PTGR2: variants seen among roughly 807,000 people sequenced by gnomAD.
PTGR2 encodes the protein 15-oxoprostaglandin 13-reductase.
Under a neutral mutation model 43.4 loss-of-function variants are expected in PTGR2, and 32 were observed. The observed-to-expected ratio is 0.74, with a 90% CI of 0.56 to 0.99. PTGR2 has a LOEUF of 0.99. Among genes scored for constraint, PTGR2 ranks in the 50% least tolerant of loss-of-function variants. The pLI is 0.00. For missense variants in PTGR2, 373 were observed against 420.0 expected, an observed-to-expected ratio of 0.89 and a Z score of 0.98; for synonymous variants, 106 against 139.2, an observed-to-expected ratio of 0.76 and a Z score of 1.68.
At position 73,879,191 on chromosome 14, in the gene PTGR2, A is replaced by C; in HGVS notation, c.615A>C (p.Ala205=). Residue 205 remains alanine, a synonymous_variant, in exon 6 of 10, where the codon GCA becomes GCC. Transcript: ENST00000555661. ...LLTSELGFDA[A]INYKKDNVAE... is the part of the protein sequence containing the mutation. The stretch of plus-strand genomic sequence containing the variant: ...CCTCAGAACTGGGCTTTGATGCTGC[A>C]ATTAATTATAAAAAAGACAATGTGG... The C allele has an allele frequency of 6.2e-7, 1 of 1,614,098 alleles. No homozygotes were observed. Among genetic ancestry groups the C allele is most frequent in the Non-Finnish European group, 8.5e-7 (1 of 1,179,992 alleles).
chr14:73,883,820 CTA>C (rs2055062066), intron 9 of PTGR2, among the ~76,000 whole-genome samples: 1 of 151,828 alleles, frequency 6.6e-6, no homozygotes, highest in Admixed American at 6.6e-5. Flanking sequence ...TTTTTTGCCT[CTA>C]GTCTTCAGAT....
chr14:73,873,038 TG>T (rs2054774078), intron 3 of PTGR2, among the ~76,000 whole-genome samples: 1 of 151,808 alleles, frequency 6.6e-6, no homozygotes, highest in Non-Finnish European at 1.5e-5. Flanking sequence ...AGGCCAGGCG[TG>T]GTGGCTCATG....
intron 1 of PTGR2, among the ~76,000 whole-genome samples, chr14:73,854,440 A>G (rs1449160834): frequency 2.6e-5 from 4 of 152,124 alleles, no homozygotes; most frequent in Non-Finnish European, 2.9e-5. Context: ...TTTTGGTACT[A>G]TTGAGGGATA....
intron 9 of PTGR2, among the ~76,000 whole-genome samples, chr14:73,883,568 C>G (rs374710715): frequency 6.6e-6 from 1 of 151,926 alleles, no homozygotes; most frequent in East Asian, 1.9e-4. Flanking sequence ...TCACTGCAGC[C>G]TCTACCTCCC....
At chr14:73,852,416 T>C (rs1287456500) in intron 1 of PTGR2, among the ~76,000 whole-genome samples, 1 of 151,912 alleles carries the variant, frequency 6.6e-6, no homozygotes, top group Non-Finnish European at 1.5e-5. Context: ...TGCGCCCGGA[T>C]AATTTTTTGT....
chr14:73,856,225 G>C lies in PTGR2; in HGVS notation c.-47-2591G>C, dbSNP rs377460043. The stretch of plus-strand genomic sequence containing the variant: ...CATTCATGGTAAGTTACCCTATATA[G>C]GTATACCATTTTAAAATCTTTTTTG... On this transcript the variant is annotated intron_variant, in intron 1 of 9. Transcript: ENST00000555661. Among the ~76,000 whole-genome samples the C allele has an allele frequency of 7.9e-5, 12 of 151,924 alleles. No homozygotes were observed. In the East Asian group the frequency reaches 1.2e-3, roughly 15 times the overall value.
chr14:73,875,112 G>C (rs1301450620), intron 4 of PTGR2, among the ~76,000 whole-genome samples: 1 of 152,000 alleles, frequency 6.6e-6, no homozygotes, highest in African/African-American at 2.4e-5. Context: ...TGTCTGTCTT[G>C]GTCTCCCAAA....
chr14:73,851,967 C>T (rs1304680268), intron 1 of PTGR2, 24 bp downstream of exon 1: 1 of 152,242 alleles, frequency 6.6e-6, no homozygotes, highest in Non-Finnish European at 1.5e-5. Flanking sequence ...GAGCGGCTCC[C>T]GCGACTGTGG....
chr14:73,879,928 TA>T, intron 6 of PTGR2, 126 bp from the exon 7 acceptor site: 1 of 852,674 alleles, frequency 1.2e-6, no homozygotes, highest in Non-Finnish European at 1.8e-6. Flanking sequence ...CTCTAACAGG[TA>T]AATTAAAAAA....
intron 3 of PTGR2, among the ~76,000 whole-genome samples, chr14:73,867,378 G>A (rs957714483): frequency 6.6e-6 from 1 of 152,054 alleles, no homozygotes; most frequent in Non-Finnish European, 1.5e-5. Flanking sequence ...TCATAGATAT[G>A]TATGTATCCT....
rs562090199 is a variant in PTGR2, at chr14:73,875,339, G to GT, written c.348+1128dup. ...AGCATTAGTAATGAGAACTGTTGGA[G>GT]TTTGAGTTGATTTTTTTTTTTTTCA... On this transcript the variant is annotated intron_variant, in intron 4 of 9. Coordinates refer to ENST00000555661, the MANE Select transcript of PTGR2 (RefSeq NM_001146154.2). Among the ~76,000 whole-genome samples, 21 of 151,790 alleles carry GT rather than the reference G, an allele frequency of 1.4e-4. No homozygotes were observed. The East Asian group carries it at 1.9e-3, about 14-fold the overall frequency.
chr14:73,882,332 T>G, intron 8 of PTGR2, 67 bp from the exon 9 acceptor site: 2 of 977,834 alleles, frequency 2.0e-6, no homozygotes, highest in Non-Finnish European at 3.2e-6. Flanking sequence ...CTTTTGTAAG[T>G]ATGGAAACTA....
chr14:73,874,894 C>T (rs937375816), intron 4 of PTGR2, among the ~76,000 whole-genome samples: 8 of 152,086 alleles, frequency 5.3e-5, no homozygotes, highest in Non-Finnish European at 1.0e-4. Context: ...TTAGAGACGG[C>T]GTCTCACTCT....
intron 3 of PTGR2, among the ~76,000 whole-genome samples, chr14:73,867,113 AAAAC>A (rs2054618467): frequency 6.8e-6 from 1 of 146,390 alleles, no homozygotes; most frequent in Non-Finnish European, 1.5e-5. Context: ...AAAAAACAAA[AAAAC>A]AAAAAAAAGA....
At chr14:73,880,220 T>G (rs1286873325) in intron 7 of PTGR2, 44 bp downstream of exon 7, 1 of 1,600,996 alleles carries the variant, frequency 6.2e-7, no homozygotes, top group Non-Finnish European at 8.6e-7. Context: ...TCATGGGGTT[T>G]TAAATATCAT....
intron 5 of PTGR2, chr14:73,878,656 T>TC: frequency 2.1e-6 from 1 of 476,682 alleles, no homozygotes; most frequent in Non-Finnish European, 4.1e-6. Context: ...GGAGTGGATG[T>TC]TTATTTTGAC....
At chr14:73,871,723 C>T (rs1279978466) in intron 3 of PTGR2, among the ~76,000 whole-genome samples, 1 of 152,098 alleles carries the variant, frequency 6.6e-6, no homozygotes, top group Non-Finnish European at 1.5e-5. Context: ...ATGTCCTCTG[C>T]AGAATTGCTT....
chr14:73,866,412 C>G (rs2054598005), intron 3 of PTGR2, among the ~76,000 whole-genome samples: 1 of 152,068 alleles, frequency 6.6e-6, no homozygotes, highest in African/African-American at 2.4e-5. Context: ...GCTGGGATTA[C>G]AGGTGTGAGC....
chr14:73,855,058 GGGCAT>G (rs1330235235), intron 1 of PTGR2, among the ~76,000 whole-genome samples: 18 of 152,258 alleles, frequency 1.2e-4, no homozygotes, highest in African/African-American at 4.1e-4. Flanking sequence ...AACAAATCAA[GGGCAT>G]GAAATAAATG....
Sources: gnomAD v4.1 joint callset for allele counts (sites outside exome capture counted in the v4.1 genomes callset) on GRCh38, gnomAD v4.1.1 for gene constraint, MANE v1.5 for transcripts, NCBI Gene and HGNC (gene_info 2026-07-23, HGNC 2026-07-21) for gene names.